Variants in BCAN observed in about 807,000 individuals in gnomAD.
BCAN encodes brevican core protein.
BCAN carries 51 observed loss-of-function variants against 92.4 expected under a neutral mutation model. The observed-to-expected ratio is 0.55, with a 90% CI of 0.44 to 0.70. The LOEUF is 0.70. Among genes scored for constraint, BCAN ranks in the 30% least tolerant of loss-of-function variants. BCAN has a pLI of 0.00. For missense variants in BCAN, 1,140 were observed against 1,212.1 expected (o/e 0.94, Z 0.88); for synonymous variants, 501 against 505.2 (o/e 0.99, Z 0.11).
Position 156,658,194 on chromosome 1 carries a change from T to C in BCAN, c.2360T>C (p.Met787Thr), listed in dbSNP as rs765702318. ...CTGTCTGGAGAGAACTGCGTGGTCA[T>C]GGTGTGGCATGATCAGGGACAATGG... The part of the protein sequence containing the change: ...YFLSGENCVV[M>T]VWHDQGQWSD... Residue 787 changes from methionine (M) to threonine (T), a missense_variant, in exon 12 of 14, where the codon ATG becomes ACG. Around this residue, in one of 3 missense-constraint regions of BCAN, gnomAD observed 825 missense variants for 871.8 expected, o/e 0.95. Coordinates refer to ENST00000329117, the MANE Select transcript of BCAN (RefSeq NM_021948.5). The surrounding 1 kb of genome is among the most constrained non-coding windows in gnomAD (Gnocchi z 4.4). 6 of 1,613,922 alleles carry C rather than the reference T, an allele frequency of 3.7e-6. No individual in the cohort carries two copies. In the South Asian group the frequency reaches 4.4e-5, roughly 12 times the overall value.
At chr1:156,646,414 A>T in intron 2 of BCAN, 2 of 505,684 alleles carry the variant, frequency 4.0e-6, no homozygotes, top group East Asian at 6.1e-5. Context: ...AAAGGGGTGG[A>T]ACTGGGAGAA....
rs769007869 is a variant in BCAN at position 156,651,472 on chromosome 1, T to C, written c.1080T>C (p.Ser360=). Residue 360 remains serine, a synonymous_variant, in exon 7 of 14, where the codon TCT becomes TCC. Transcript: ENST00000329117. ...VYCFRDSAQP[S]AIPEASNPAS... ...CTGCCACAGACTCGGCCCAGCCTTC[T>C]GCCATCCCTGAGGCCTCCAACCCAG... 1 of 1,613,888 alleles carries C rather than the reference T, an allele frequency of 6.2e-7. No homozygotes were observed. Among genetic ancestry groups the C allele is most frequent in the East Asian group, 2.2e-5 (1 of 44,890 alleles).
intron 2 of BCAN, chr1:156,646,380 G>A (rs1678962731): frequency 1.9e-6 from 1 of 520,506 alleles, no homozygotes; most frequent in African/African-American, 1.9e-5. Flanking sequence ...TGGAGGATAG[G>A]GGATCCTGAA....
chr1:156,652,128 G>A, intron 7 of BCAN, 120 bp from the exon 8 acceptor site: 2 of 1,365,426 alleles, frequency 1.5e-6, no homozygotes, highest in Non-Finnish European at 2.0e-6. Flanking sequence ...CCTCAGGGCG[G>A]TCTCTTCCCT....
rs138385366 is a variant in BCAN, at chr1:156,647,054, G to A, written c.345G>A (p.Ala115=). ...GCGTGGCACTGCCTGCGTACCCAGC[G>A]TCGCTCACCGACGTCTCCCTGGCGC... ...RFRVALPAYP[A]SLTDVSLALS... is the part of the protein sequence containing the mutation. Residue 115 remains alanine (A), a synonymous_variant, in exon 3 of 14, where the codon GCG becomes GCA. Transcript: ENST00000329117. The surrounding 1 kb of genome is among the most constrained non-coding windows in gnomAD (Gnocchi z 4.8). 136 of 1,611,662 alleles carry A rather than the reference G, an allele frequency of 8.4e-5. 1 individual carries two copies. The African/African-American group carries it at 1.7e-3, about 20-fold the overall frequency.
At chr1:156,643,660 A>AGAGAGAGAGAGAGAGAGAGAGAGG (rs66608498) in intron 1 of BCAN, 1 of 152,070 alleles carries the variant, frequency 6.6e-6, no homozygotes, top group African/African-American at 2.4e-5. Flanking sequence ...AGAGAGAGAG[A>AGAGAGAGAGAGAGAGAGAGAGAGG]GAGAGAGACC....
chr1:156,643,633 C>CAGAGGGAG (rs1179850412), intron 1 of BCAN: 3 of 90,830 alleles, frequency 3.3e-5, no homozygotes, highest in Non-Finnish European at 5.0e-5. Context: ...CACACACACA[C>CAGAGGGAG]ACAGAGAGAG....
In BCAN at chr1:156,646,902, C is replaced by T. The variant is rs773042582; in HGVS notation, c.193C>T (p.Pro65Ser). 7 of 1,611,096 alleles carry T rather than the reference C, an allele frequency of 4.3e-6. No homozygotes were observed. The highest frequency in any genetic ancestry group is 5.9e-6 in the Non-Finnish European group (7 of 1,178,994). The change falls in exon 3 of 14, where the codon CCG becomes TCG. Residue 65 changes from proline to serine, a missense_variant. Pro to Ser is a moderately conservative substitution (Grantham distance 74, BLOSUM62 -1). This residue lies in a region of BCAN where 286 missense variants were observed against 284.1 expected (regional missense o/e 1.01). Transcript: ENST00000329117. ...TTGCCACGTCCACTACCTGCGGCCA[C>T]CGCCGAGCCGCCGGGCTGTGCTGGG... ...IPCHVHYLRP[P>S]PSRRAVLGSP...
chr1:156,645,366 AG>A (rs1297748087), intron 1 of BCAN, among the ~76,000 whole-genome samples: 4 of 152,250 alleles, frequency 2.6e-5, no homozygotes, highest in Non-Finnish European at 5.9e-5. Context: ...GAGGCAGCCA[AG>A]GAAGGGGGAT....
intron 6 of BCAN, among the ~76,000 whole-genome samples, chr1:156,650,264 G>A (rs1264694684): frequency 2.0e-5 from 3 of 152,098 alleles, no homozygotes; most frequent in Admixed American, 6.6e-5. Context: ...GCAGGGGAGG[G>A]GGAATATGAC....
In BCAN at chr1:156,648,800, C is replaced by T. The variant is rs978289291; in HGVS notation, c.1002C>T (p.Leu334=). ...TGCCTGGTGTCAAGACTCTCTTCCT[C>T]TTCCCCAACCAGACTGGCTTCCCCA... ...GGLPGVKTLF[L]FPNQTGFPNK... Residue 334 remains leucine (L), a synonymous_variant, in exon 6 of 14, where the codon CTC becomes CTT. Transcript: ENST00000329117. 6.3e-7 allele frequency: 1 copy of T among 1,596,346 alleles called. No homozygotes were observed. Among genetic ancestry groups the T allele is most frequent in the Non-Finnish European group, 8.6e-7 (1 of 1,165,538 alleles).
rs1465369241 is a variant in BCAN at position 156,648,854 on chromosome 1, C to T, written c.1056C>T (p.Cys352=). ...AGCACAGCCGCTTCAACGTCTACTG[C>T]TTCCGAGGTGAGCCCACCTCCCTGC... ...PNKHSRFNVY[C]FRDSAQPSAI... is the part of the protein sequence containing the mutation. Residue 352 remains cysteine, a synonymous_variant, in exon 6 of 14, where the codon TGC becomes TGT. Coordinates refer to ENST00000329117, the MANE Select transcript of BCAN (RefSeq NM_021948.5). 2 of 1,560,028 alleles carry T rather than the reference C, an allele frequency of 1.3e-6. No individual in the cohort carries two copies. Among genetic ancestry groups the T allele is most frequent in the Non-Finnish European group, 1.7e-6 (2 of 1,145,668 alleles).
At position 156,658,630 on chromosome 1, in the gene BCAN, A is replaced by G; in HGVS notation, c.2525A>G (p.Tyr842Cys). ...TATGAGGTGGACACTGTGCTTCGCT[A>G]CCGGTGCCGGGAAGGACTGGCCCAG... ...LRYEVDTVLR[Y>C]RCREGLAQRN... Residue 842 changes from tyrosine (Y) to cysteine (C), a missense_variant, in exon 13 of 14, where the codon TAC becomes TGC. Transcript: ENST00000329117. This position sits in a 1 kb window ranked among gnomAD's most constrained non-coding sequence, Gnocchi z 4.4. The G allele has an allele frequency of 1.2e-6, 2 of 1,614,052 alleles. No individual in the cohort carries two copies. Among genetic ancestry groups the G allele is most frequent in the South Asian group, 2.2e-5 (2 of 91,084 alleles).
At chr1:156,653,024 C>T (rs1679229157) in intron 8 of BCAN, 132 bp downstream of exon 8, 1 of 1,519,142 alleles carries the variant, frequency 6.6e-7, no homozygotes, top group East Asian at 2.3e-5. Context: ...CCTTCATTCT[C>T]TTACCCACCT....
intron 1 of BCAN, chr1:156,644,296 A>AGAGAGAT (rs1486796132): frequency 6.6e-6 from 1 of 152,294 alleles, no homozygotes; most frequent in Non-Finnish European, 1.5e-5. Context: ...GCTGCCCGTC[A>AGAGAGAT]GAGAGATGGG....
chr1:156,659,431 C>T lies in BCAN; in HGVS notation c.*297C>T, dbSNP rs981716631. 53 of 381,190 alleles carry T rather than the reference C, an allele frequency of 1.4e-4. No individual in the cohort carries two copies. The highest frequency in any genetic ancestry group is 2.3e-4 in the Non-Finnish European group (49 of 213,628). 23.6% of individuals were successfully genotyped at this position (381,190 alleles called of 1,614,324 possible). ...GTCCCCTCTATTCCTCTAGGGAGCACTGTGCCCACTCTTTCTGGGTTTTCC... is the reference window on the plus strand; with the variant it reads ...GTCCCCTCTATTCCTCTAGGGAGCATTGTGCCCACTCTTTCTGGGTTTTCC... On this transcript the variant is annotated 3_prime_UTR_variant, in exon 14 of 14. Coordinates refer to ENST00000329117, the MANE Select transcript of BCAN (RefSeq NM_021948.5).
chr1:156,651,759 G>A, intron 7 of BCAN, 70 bp downstream of exon 7: 1 of 1,365,498 alleles, frequency 7.3e-7, no homozygotes, highest in Non-Finnish European at 1.0e-6. Flanking sequence ...GCAAGCCCAG[G>A]TTGATGCTAG....
chr1:156,648,020 G>T lies in BCAN; in HGVS notation c.679G>T (p.Asp227Tyr). 1.9e-6 allele frequency: 3 copies of T among 1,614,058 alleles called. No individual in the cohort carries two copies. The highest frequency in any genetic ancestry group is 2.5e-6 in the Non-Finnish European group (3 of 1,179,964). ...GACCCCACGAGAGGCCTGTTACGGAGACATGGATGGCTTCCCCGGGGTCCG... is the reference window on the plus strand; with the variant it reads ...GACCCCACGAGAGGCCTGTTACGGATACATGGATGGCTTCCCCGGGGTCCG... Reference protein sequence around the residue: ...IQTPREACYGDMDGFPGVRNY... With the variant: ...IQTPREACYGYMDGFPGVRNY... Residue 227 changes from aspartate to tyrosine, a missense_variant, in exon 5 of 14, where the codon GAC (aspartate) becomes TAC (tyrosine). By Grantham distance (160) the Asp-to-Tyr change is radical. Coordinates refer to ENST00000329117, the MANE Select transcript of BCAN (RefSeq NM_021948.5).
At position 156,647,374 on chromosome 1, in the gene BCAN, T is replaced by C; in HGVS notation, c.467-134T>C. 8.8e-7 allele frequency: 1 copy of C among 1,138,762 alleles called. No individual in the cohort carries two copies. 70.5% of individuals were successfully genotyped at this position (1,138,762 alleles called of 1,614,324 possible). ...GAGGACATTCTACCCACAATCTAACTTAAGTCCCTCATGCTGTAGAGTGAG... is the reference window on the plus strand; with the variant it reads ...GAGGACATTCTACCCACAATCTAACCTAAGTCCCTCATGCTGTAGAGTGAG... On this transcript the variant is annotated intron_variant, in intron 3 of 13. Transcript: ENST00000329117. This position sits in a 1 kb window ranked among gnomAD's most constrained non-coding sequence, Gnocchi z 4.8.
Sources: gnomAD v4.1 joint callset for allele counts (sites outside exome capture counted in the v4.1 genomes callset) on GRCh38, gnomAD v4.1.1 for gene constraint, gnomAD v4.1.1 regional missense constraint, Gnocchi (gnomAD v3.1) non-coding constraint, MANE v1.5 for transcripts, NCBI Gene and HGNC (gene_info 2026-07-23, HGNC 2026-07-21) for gene names.